TDRD9: variants seen among roughly 807,000 people sequenced by gnomAD.
TDRD9 encodes tudor domain containing 9.
TDRD9 carries 124 observed loss-of-function variants against 172.6 expected under a neutral mutation model. That is an observed-to-expected ratio of 0.72 (90% CI 0.62 to 0.83). The LOEUF is 0.83. Ranked by LOEUF, TDRD9 falls within the 40% of genes least tolerant of loss-of-function variation. The pLI, the probability that TDRD9 is intolerant of heterozygous loss-of-function variation, is 0.00. For synonymous variants in TDRD9, 619 were observed against 617.1 expected (o/e 1.00, Z -0.05); for missense variants, 1,479 against 1,714.1 (o/e 0.86, Z 2.42).
rs182932153 is a variant in TDRD9, at chr14:103,948,048, C to G, written c.216-7616C>G. On this transcript the variant is annotated intron_variant, in intron 1 of 35. Coordinates refer to ENST00000409874, the MANE Select transcript of TDRD9 (RefSeq NM_153046.3). Reference sequence around the variant, plus strand: ...TTTTTTTAAGAGGGAGGGTCTCACTCTGTTGCCTAGGCTGGAGTGCAGTGG... The same window carrying G: ...TTTTTTTAAGAGGGAGGGTCTCACTGTGTTGCCTAGGCTGGAGTGCAGTGG... Among the ~76,000 whole-genome samples, 321 of 152,312 alleles carry G rather than the reference C, an allele frequency of 2.1e-3. 1 individual carries two copies. Among genetic ancestry groups the G allele is most frequent in the African/African-American group, 7.4e-3 (309 of 41,572 alleles).
intron 20 of TDRD9, among the ~76,000 whole-genome samples, chr14:104,010,658 T>C (rs2034586225): frequency 6.6e-6 from 1 of 151,792 alleles, no homozygotes; most frequent in Non-Finnish European, 1.5e-5. Context: ...AATGATGGTA[T>C]AGTATGATAA....
Position 103,991,155 on chromosome 14 carries a change from A to G in TDRD9, c.1116-5A>G. ...TAATATTTGTGCACATCACATTTTTAACAGGAACAAGGCTTGGTCGGGGGC... is the reference window on the plus strand; with the variant it reads ...TAATATTTGTGCACATCACATTTTTGACAGGAACAAGGCTTGGTCGGGGGC... On this transcript the variant is annotated splice_region_variant and splice_polypyrimidine_tract_variant and intron_variant, in intron 8 of 35. Transcript: ENST00000409874. The G allele has an allele frequency of 1.2e-6, 2 of 1,613,986 alleles. No homozygotes were observed. Among genetic ancestry groups the G allele is most frequent in the Non-Finnish European group, 1.7e-6 (2 of 1,179,864 alleles).
At chr14:104,012,201 A>G (rs149648734) in intron 20 of TDRD9, among the ~76,000 whole-genome samples, 10 of 152,240 alleles carry the variant, frequency 6.6e-5, no homozygotes, top group Admixed American at 6.5e-4. Flanking sequence ...CCCACCGTCA[A>G]TCATATTCTA....
At chr14:104,013,692 G>A (rs534373715) in intron 20 of TDRD9, 1 of 152,212 alleles carries the variant, frequency 6.6e-6, no homozygotes, top group South Asian at 2.1e-4. Context: ...GGAGGCTGAG[G>A]CTGGAGGATC....
intron 24 of TDRD9, among the ~76,000 whole-genome samples, chr14:104,023,440 A>C (rs186005531): frequency 4.1e-4 from 63 of 152,340 alleles, no homozygotes; most frequent in Non-Finnish European, 2.8e-4. Context: ...CTAGTTGCTT[A>C]CCAGTGTAAG....
chr14:104,027,714 A>C (rs1456489764), intron 28 of TDRD9, among the ~76,000 whole-genome samples: 2 of 152,230 alleles, frequency 1.3e-5, no homozygotes. Context: ...GTAAACATTC[A>C]AGAACTTTCT....
Sources: allele counts gnomAD v4.1 joint callset (sites outside exome capture counted in the v4.1 genomes callset), GRCh38; gene constraint gnomAD v4.1.1; transcripts MANE v1.5; gene names NCBI Gene and HGNC (gene_info 2026-07-23, HGNC 2026-07-21).